The following EPB41L1 variants were observed in gnomAD, a reference collection of about 807,000 sequenced individuals.
The protein encoded by EPB41L1 is band 4.1-like protein 1.
Under a neutral mutation model 97.8 loss-of-function variants are expected in EPB41L1, and 29 were observed. That is an observed-to-expected ratio of 0.30 (90% CI 0.22 to 0.40). EPB41L1 has a LOEUF of 0.40. EPB41L1 is among the 10% of genes least tolerant of loss of function. The pLI, the probability that EPB41L1 is intolerant of heterozygous loss-of-function variation, is 1.00. For missense variants in EPB41L1, 812 were observed against 1,162.3 expected, an observed-to-expected ratio of 0.70 and a Z score of 4.38; for synonymous variants, 383 against 459.2, an observed-to-expected ratio of 0.83 and a Z score of 2.12.
rs2062167219 is a variant in EPB41L1, at chr20:36,195,751, C to T, written c.1485+387C>T. On this transcript the variant is annotated intron_variant, in intron 13 of 21. Coordinates refer to ENST00000338074, the MANE Select transcript of EPB41L1 (RefSeq NM_012156.2). This position sits in a 1 kb window ranked among gnomAD's most constrained non-coding sequence, Gnocchi z 4.6. ...CCCTGACCCACCCCTTCCCTAGATTCATCTCCTGCCCGACAGCACTGTTTG... is the reference window on the plus strand; with the variant it reads ...CCCTGACCCACCCCTTCCCTAGATTTATCTCCTGCCCGACAGCACTGTTTG... Among the ~76,000 whole-genome samples, 1 of 152,184 alleles carries T rather than the reference C, an allele frequency of 6.6e-6. No homozygotes were observed. Among genetic ancestry groups the T allele is most frequent in the Non-Finnish European group, 1.5e-5 (1 of 68,040 alleles).
At position 36,202,738 on chromosome 20, in the gene EPB41L1, G is replaced by T. The variant is rs140615158; in HGVS notation, c.1668+4697G>T. Among the ~76,000 whole-genome samples the T allele has an allele frequency of 8.8e-3, 1,340 of 151,554 alleles. 6 individuals carry two copies. Among genetic ancestry groups the T allele is most frequent in the Non-Finnish European group, 0.015 (997 of 67,890 alleles). On this transcript the variant is annotated intron_variant, in intron 14 of 21. Coordinates refer to ENST00000338074, the MANE Select transcript of EPB41L1 (RefSeq NM_012156.2). Reference sequence around the variant, plus strand: ...TGAGGCAGGAGAATCGCTTGAACTCGGGAGGCGGCTGTCAGTGAGGCAAGA... The same window carrying T: ...TGAGGCAGGAGAATCGCTTGAACTCTGGAGGCGGCTGTCAGTGAGGCAAGA...
In EPB41L1 at chr20:36,206,898, C is replaced by T. The variant is rs1476553388; in HGVS notation, c.1669-2590C>T. On this transcript the variant is annotated intron_variant, in intron 14 of 21. Transcript: ENST00000338074. This position sits in a 1 kb window ranked among gnomAD's most constrained non-coding sequence, Gnocchi z 5.5. ...AGCACCCTCCTCACAGAGGACAGGGCGTGCATCCCGACCCCCAGGCCTGCG... is the reference window on the plus strand; with the variant it reads ...AGCACCCTCCTCACAGAGGACAGGGTGTGCATCCCGACCCCCAGGCCTGCG... The T allele has an allele frequency of 1.8e-5, 23 of 1,289,790 alleles. No individual in the cohort carries two copies. The highest frequency in any genetic ancestry group is 1.7e-5 in the Non-Finnish European group (17 of 988,896). 79.9% of individuals were successfully genotyped at this position (1,289,790 alleles called of 1,614,324 possible).
chr20:36,214,296 G>C, intron 16 of EPB41L1, 61 bp from the exon 17 acceptor site: 4 of 1,392,232 alleles, frequency 2.9e-6, no homozygotes, highest in Non-Finnish European at 4.1e-6. Context: ...GTGAGCCCAG[G>C]TGACAGATGC....
At chr20:36,144,860 T>C (rs2059776095) in intron 2 of EPB41L1, among the ~76,000 whole-genome samples, 1 of 152,216 alleles carries the variant, frequency 6.6e-6, no homozygotes, top group African/African-American at 2.4e-5. Context: ...TTAATCCTTA[T>C]AATAACTCCA....
At chr20:36,205,107 G>A (rs901606906) in intron 14 of EPB41L1, among the ~76,000 whole-genome samples, 25 of 152,148 alleles carry the variant, frequency 1.6e-4, no homozygotes, top group African/African-American at 5.3e-4. Context: ...AGCTGTTTAA[G>A]CCATTGTGGT....
intron 1 of EPB41L1, among the ~76,000 whole-genome samples, chr20:36,099,217 A>G (rs2057931417): frequency 6.6e-6 from 1 of 152,174 alleles, no homozygotes; most frequent in South Asian, 2.1e-4. Flanking sequence ...TAGCACCTAC[A>G]GTAGTGTCAT....
chr20:36,206,784 GA>G lies in EPB41L1; in HGVS notation c.1669-2703del. ...GAGTGGAAGGAGAGTTTCCCCACCT[GA>G]CAGCCAGCGCAGCCCGAGAGGAAGG... On this transcript the variant is annotated intron_variant, in intron 14 of 21. Transcript: ENST00000338074. This position sits in a 1 kb window ranked among gnomAD's most constrained non-coding sequence, Gnocchi z 5.5. 7.8e-7 allele frequency: 1 copy of G among 1,289,864 alleles called. No homozygotes were observed. Among genetic ancestry groups the G allele is most frequent in the South Asian group, 1.2e-5 (1 of 81,028 alleles). The allele number at this position is 1,289,864 out of a possible 1,614,324, so 79.9% of individuals were successfully genotyped here.
chr20:36,159,439 T>C (rs1162693587), intron 1 of EPB41L1, among the ~76,000 whole-genome samples: 1 of 152,168 alleles, frequency 6.6e-6, no homozygotes, highest in Non-Finnish European at 1.5e-5. Flanking sequence ...TGCAAAGCTC[T>C]TTTGCATCCT....
chr20:36,098,165 C>T (rs1051270839), intron 1 of EPB41L1, among the ~76,000 whole-genome samples: 3 of 152,150 alleles, frequency 2.0e-5, no homozygotes, highest in African/African-American at 7.2e-5. Flanking sequence ...TTCACGACAG[C>T]CTGGCCCTGG....
At chr20:36,214,268 C>A in intron 16 of EPB41L1, 89 bp from the exon 17 acceptor site, 1 of 1,028,404 alleles carries the variant, frequency 9.7e-7, no homozygotes, top group Non-Finnish European at 1.5e-6. Flanking sequence ...CAGCCTGTCA[C>A]TTTGTAACTG....
chr20:36,201,314 T>C (rs1051416723), intron 14 of EPB41L1, among the ~76,000 whole-genome samples: 1 of 152,118 alleles, frequency 6.6e-6, no homozygotes, highest in Non-Finnish European at 1.5e-5. Context: ...CAGGTGACTC[T>C]AGAGGCAGGC....
chr20:36,171,921 T>C (rs1280377001), intron 1 of EPB41L1, among the ~76,000 whole-genome samples: 1 of 152,144 alleles, frequency 6.6e-6, no homozygotes, highest in African/African-American at 2.4e-5. Flanking sequence ...TGAGGGTTCC[T>C]GCTCATTTCT....
chr20:36,119,537 CAG>C (rs2058683968), intron 2 of EPB41L1, among the ~76,000 whole-genome samples: 1 of 151,736 alleles, frequency 6.6e-6, no homozygotes, highest in Non-Finnish European at 1.5e-5. Context: ...GGTAGGGTTG[CAG>C]AGAGTCGAGA....
Position 36,190,805 on chromosome 20 carries a change from C to G in EPB41L1, c.1300+8C>G. The G allele has an allele frequency of 6.2e-7, 1 of 1,613,382 alleles. No homozygotes were observed. The highest frequency in any genetic ancestry group is 2.2e-5 in the East Asian group (1 of 44,884). ...CCCGCAGCCTTGATGGAGGTATGGCCCAAATTGGAGGGCTGGGCGGGGAAT... is the reference window on the plus strand; with the variant it reads ...CCCGCAGCCTTGATGGAGGTATGGCGCAAATTGGAGGGCTGGGCGGGGAAT... On this transcript the variant is annotated splice_region_variant and intron_variant, in intron 11 of 21. Transcript: ENST00000338074. This position sits in a 1 kb window ranked among gnomAD's most constrained non-coding sequence, Gnocchi z 5.8.
At chr20:36,222,247 G>C in intron 20 of EPB41L1, 31 bp from the exon 21 acceptor site, 2 of 1,564,530 alleles carry the variant, frequency 1.3e-6, no homozygotes, top group Non-Finnish European at 1.8e-6. Context: ...GATAGTTCAT[G>C]GTTCCTTCCT....
intron 14 of EPB41L1, chr20:36,208,273 T>G (rs1415591197): frequency 2.4e-6 from 1 of 419,418 alleles, no homozygotes; most frequent in East Asian, 7.5e-5. Context: ...TTCTGCCTCC[T>G]TAAGACTAAC....
intron 1 of EPB41L1, among the ~76,000 whole-genome samples, chr20:36,159,581 GT>G (rs2060448496): frequency 6.6e-6 from 1 of 152,212 alleles, no homozygotes; most frequent in Non-Finnish European, 1.5e-5. Flanking sequence ...TTTATTCATT[GT>G]TTCGTCGCAG....
intron 15 of EPB41L1, among the ~76,000 whole-genome samples, chr20:36,211,434 C>T (rs952712600): frequency 2.0e-5 from 3 of 152,098 alleles, no homozygotes; most frequent in Non-Finnish European, 1.5e-5. Context: ...ATAGTCACAG[C>T]TTGCCATACC....
rs769555025 is a variant in EPB41L1, at chr20:36,232,652, G to A, written c.*3312G>A. 7 of 398,678 alleles carry A rather than the reference G, an allele frequency of 1.8e-5. No individual in the cohort carries two copies. Among genetic ancestry groups the A allele is most frequent in the Admixed American group, 4.4e-5 (1 of 22,688 alleles). 24.7% of individuals were successfully genotyped at this position (398,678 alleles called of 1,614,324 possible). On this transcript the variant is annotated 3_prime_UTR_variant, in exon 22 of 22. Transcript: ENST00000338074. ...CAAAAGCACCTTAACAACCAATTGC[G>A]ATGCTGTCCTGTTCCTTTTTACTCA...
Sources: allele counts gnomAD v4.1 joint callset (sites outside exome capture counted in the v4.1 genomes callset), GRCh38; gene constraint gnomAD v4.1.1; non-coding constraint Gnocchi (gnomAD v3.1); transcripts MANE v1.5; gene names NCBI Gene and HGNC (gene_info 2026-07-23, HGNC 2026-07-21).